Variants in CCDC91 observed in about 807,000 individuals in gnomAD.
CCDC91 encodes the protein coiled-coil domain-containing protein 91.
Under a neutral mutation model 63.2 loss-of-function variants are expected in CCDC91, and 48 were observed. That is an observed-to-expected ratio of 0.76 (90% CI 0.60 to 0.97). The LOEUF is 0.97. Among genes scored for constraint, CCDC91 ranks in the 50% least tolerant of loss-of-function variants. CCDC91 has a pLI of 0.00. For synonymous variants in CCDC91, 167 were observed against 165.8 expected (o/e 1.01, Z -0.06); for missense variants, 500 against 494.6 (o/e 1.01, Z -0.10).
chr12:28,320,516 AG>A (rs1347175624), intron 6 of CCDC91, among the ~76,000 whole-genome samples: 1 of 151,862 alleles, frequency 6.6e-6, no homozygotes, highest in Non-Finnish European at 1.5e-5. Flanking sequence ...ACAATCTCTA[AG>A]GATGTATTTA....
At chr12:28,541,246 GA>G (rs2141810714) in intron 12 of CCDC91, among the ~76,000 whole-genome samples, 1 of 152,218 alleles carries the variant, frequency 6.6e-6, no homozygotes, top group South Asian at 2.1e-4. Flanking sequence ...GTTAAAACAA[GA>G]AAAGGTCAGA....
At chr12:28,197,966 AT>A (rs1398920264) in intron 1 of CCDC91, among the ~76,000 whole-genome samples, 1 of 152,144 alleles carries the variant, frequency 6.6e-6, no homozygotes, top group African/African-American at 2.4e-5. Context: ...GGTTTAATAA[AT>A]GGAGATAAAA....
At chr12:28,242,626 A>C (rs1945422070) in intron 1 of CCDC91, among the ~76,000 whole-genome samples, 1 of 152,070 alleles carries the variant, frequency 6.6e-6, no homozygotes, top group Non-Finnish European at 1.5e-5. Flanking sequence ...TGTGAGTCAA[A>C]GCCATTATTG....
At position 28,420,564 on chromosome 12, in the gene CCDC91, C is replaced by T. The variant is rs542217104; in HGVS notation, c.762+29153C>T. ...CTTACCCTCAAGGTTTGTTTGTTTACCTCAGTGTTTACATGACCCATGGAA... is the reference window on the plus strand; with the variant it reads ...CTTACCCTCAAGGTTTGTTTGTTTATCTCAGTGTTTACATGACCCATGGAA... On this transcript the variant is annotated intron_variant, in intron 8 of 12. Coordinates refer to ENST00000536442, the MANE Select transcript of CCDC91 (RefSeq NM_018318.5). Among the ~76,000 whole-genome samples, 11 of 152,136 alleles carry T rather than the reference C, an allele frequency of 7.2e-5. 1 individual carries two copies. The highest frequency in any genetic ancestry group is 2.4e-4 in the African/African-American group (10 of 41,516).
intron 3 of CCDC91, among the ~76,000 whole-genome samples, chr12:28,304,407 A>G (rs1349738488): frequency 3.5e-5 from 5 of 141,074 alleles, no homozygotes; most frequent in Non-Finnish European, 8.0e-5. Context: ...AAAAAGAAAA[A>G]AAAAAAAAGA....
chr12:28,215,902 T>C lies in CCDC91; in HGVS notation c.-15+25261T>C, dbSNP rs556151420. 5.8e-4 allele frequency among the ~76,000 whole-genome samples: 89 copies of C among 152,248 alleles called. 1 individual carries two copies. Among genetic ancestry groups the C allele is most frequent in the African/African-American group, 2.0e-3 (82 of 41,584 alleles). ...AGATAGTCATTATGCCCGTTTTCCCTGTTGAGGGCTAAAATGTTAATCAGA... is the reference window on the plus strand; with the variant it reads ...AGATAGTCATTATGCCCGTTTTCCCCGTTGAGGGCTAAAATGTTAATCAGA... On this transcript the variant is annotated intron_variant, in intron 1 of 12. Transcript: ENST00000536442.
At chr12:28,330,962 G>T (rs1002724284) in intron 6 of CCDC91, among the ~76,000 whole-genome samples, 2 of 152,130 alleles carry the variant, frequency 1.3e-5, no homozygotes, top group Non-Finnish European at 2.9e-5. Context: ...TCACAAGTAA[G>T]GATAATAAAA....
intron 8 of CCDC91, among the ~76,000 whole-genome samples, chr12:28,395,022 A>G (rs1261010598): frequency 1.3e-5 from 2 of 152,180 alleles, no homozygotes; most frequent in African/African-American, 2.4e-5. Context: ...CTTAGCTAAG[A>G]CTGTTTGTAT....
At chr12:28,310,393 C>T (rs1811351693) in intron 6 of CCDC91, among the ~76,000 whole-genome samples, 1 of 151,992 alleles carries the variant, frequency 6.6e-6, no homozygotes, top group Non-Finnish European at 1.5e-5. Context: ...TGTCTCACTG[C>T]GTTTACTATT....
At chr12:28,439,401 G>C (rs561595448) in intron 8 of CCDC91, among the ~76,000 whole-genome samples, 23 of 152,192 alleles carry the variant, frequency 1.5e-4, no homozygotes, top group Middle Eastern at 3.4e-3. Flanking sequence ...CATGTTAAGT[G>C]GAGGCGTATT....
chr12:28,199,088 AT>A (rs1332833531), intron 1 of CCDC91: 1 of 151,502 alleles, frequency 6.6e-6, no homozygotes, highest in Non-Finnish European at 1.5e-5. Flanking sequence ...TAATTTTTTT[AT>A]TTTTTGTAGA....
chr12:28,270,235 G>T (rs1947662982), intron 3 of CCDC91, among the ~76,000 whole-genome samples: 1 of 151,966 alleles, frequency 6.6e-6, no homozygotes, highest in Non-Finnish European at 1.5e-5. Context: ...CACAGAGACT[G>T]CCTAAAGTAC....
At chr12:28,450,509 TTTCA>T in intron 10 of CCDC91, 91 bp downstream of exon 10, 1 of 929,706 alleles carries the variant, frequency 1.1e-6, no homozygotes, top group East Asian at 2.6e-5. Context: ...TTATAAAATG[TTTCA>T]TTCCATAAAA....
chr12:28,358,895 A>G (rs762292384), intron 6 of CCDC91, among the ~76,000 whole-genome samples: 10 of 152,010 alleles, frequency 6.6e-5, no homozygotes, highest in Non-Finnish European at 1.2e-4. Context: ...TAGCACACCA[A>G]TACTTTTTTT....
chr12:28,286,751 A>T (rs1948937567), intron 3 of CCDC91, among the ~76,000 whole-genome samples: 1 of 152,144 alleles, frequency 6.6e-6, no homozygotes, highest in Non-Finnish European at 1.5e-5. Context: ...ATTGGGTCAT[A>T]TAGTAGTTTG....
intron 3 of CCDC91, among the ~76,000 whole-genome samples, chr12:28,299,821 A>T (rs1336596609): frequency 6.6e-6 from 1 of 151,410 alleles, no homozygotes; most frequent in African/African-American, 2.4e-5. Flanking sequence ...TGCTCATTGT[A>T]TGGATATTTT....
intron 12 of CCDC91, among the ~76,000 whole-genome samples, chr12:28,514,920 A>G (rs1223175284): frequency 6.6e-6 from 1 of 151,828 alleles, no homozygotes; most frequent in Admixed American, 6.6e-5. Context: ...AATGGATACT[A>G]GGTTTAATAC....
chr12:28,217,252 A>G (rs1461821750), intron 1 of CCDC91, among the ~76,000 whole-genome samples: 2 of 152,206 alleles, frequency 1.3e-5, no homozygotes, highest in Admixed American at 6.5e-5. Flanking sequence ...CACAGAATAT[A>G]TGTATATGTA....
chr12:28,304,658 C>T, intron 3 of CCDC91: 1 of 1,278,262 alleles, frequency 7.8e-7, no homozygotes, highest in South Asian at 1.3e-5. Context: ...GAGCTGCCTT[C>T]CAGAGTTTAT....
Sources: gnomAD v4.1 joint callset for allele counts (sites outside exome capture counted in the v4.1 genomes callset) on GRCh38, gnomAD v4.1.1 for gene constraint, MANE v1.5 for transcripts, NCBI Gene and HGNC (gene_info 2026-07-23, HGNC 2026-07-21) for gene names.